PTCH1: variants seen among roughly 807,000 people sequenced by gnomAD.
The protein encoded by PTCH1 is patched 1.
Under a neutral mutation model 144.6 loss-of-function variants are expected in PTCH1, and 14 were observed. That is an observed-to-expected ratio of 0.10 (90% CI 0.06 to 0.15). The LOEUF is 0.15. Among genes scored for constraint, PTCH1 ranks in the 10% least tolerant of loss-of-function variants. PTCH1 has a pLI of 1.00. For synonymous variants in PTCH1, 833 were observed against 793.6 expected, an observed-to-expected ratio of 1.05 and a Z score of -0.83; for missense variants, 1,623 against 1,948.3, an observed-to-expected ratio of 0.83 and a Z score of 3.14.
At chr9:95,462,067 G>C (rs923490948) in intron 15 of PTCH1, 69 bp from the exon 16 acceptor site, 1 of 1,588,936 alleles carries the variant, frequency 6.3e-7, no homozygotes, top group Non-Finnish European at 8.6e-7. Context: ...TAGCGGGGTG[G>C]GCTGAGGAGA....
chr9:95,492,410 G>A (rs1714939900), intron 2 of PTCH1, among the ~76,000 whole-genome samples: 1 of 152,176 alleles, frequency 6.6e-6, no homozygotes, highest in African/African-American at 2.4e-5. Flanking sequence ...GGATGGGAAT[G>A]CCACACAACC....
intron 18 of PTCH1, among the ~76,000 whole-genome samples, chr9:95,457,679 C>G (rs1241168626): frequency 6.6e-6 from 1 of 152,108 alleles, no homozygotes; most frequent in Non-Finnish European, 1.5e-5. Context: ...GATGAGGTCA[C>G]AAAATGACAC....
intron 7 of PTCH1, 90 bp from the exon 8 acceptor site, chr9:95,479,237 A>C (rs2118370162): frequency 4.6e-6 from 7 of 1,511,276 alleles, no homozygotes; most frequent in Non-Finnish European, 4.6e-6. Context: ...CCCCCAACTC[A>C]CTGGCTGCAA....
chr9:95,491,814 T>A (rs1220004278), intron 2 of PTCH1, among the ~76,000 whole-genome samples: 1 of 152,156 alleles, frequency 6.6e-6, no homozygotes, highest in East Asian at 1.9e-4. Context: ...AGTGGAAAAT[T>A]CCACATCTGA....
upstream of PTCH1, among the ~76,000 whole-genome samples, chr9:95,512,968 T>G (rs1844224249): frequency 6.6e-6 from 1 of 152,228 alleles, no homozygotes; most frequent in Non-Finnish European, 1.5e-5. Flanking sequence ...CCAGTCATGA[T>G]CCAAGACTTC....
In PTCH1 at chr9:95,484,767, C is replaced by G. The variant is rs1841841514; in HGVS notation, c.584+918G>C. On this transcript the variant is annotated intron_variant, in intron 3 of 23. Transcript: ENST00000331920. ...TCTGTTCTCAATGCTGGGGTGAAAA[C>G]AGACAAGAGGTGGCCCCTGCCCTGT... is the stretch of plus-strand genomic sequence containing the variant. Among the ~76,000 whole-genome samples, 3 of 152,192 alleles carry G rather than the reference C, an allele frequency of 2.0e-5. No homozygotes were observed. The South Asian group carries it at 6.2e-4, about 32-fold the overall frequency.
chr9:95,476,926 T>C lies in PTCH1; in HGVS notation c.1504-69A>G, dbSNP rs1046182185. 8 of 1,452,746 alleles carry C rather than the reference T, an allele frequency of 5.5e-6. No homozygotes were observed. Among genetic ancestry groups the C allele is most frequent in the Non-Finnish European group, 5.7e-6 (6 of 1,047,482 alleles). 90.0% of individuals were successfully genotyped at this position (1,452,746 alleles called of 1,614,324 possible). ...CAATTCAGATGATTCTAAAGCTAGT[T>C]AGGACTCTGCCACCAGCACCTAACA... On this transcript the variant is annotated intron_variant, in intron 10 of 23. Transcript: ENST00000331920. The surrounding 1 kb of genome is among the most constrained non-coding windows in gnomAD (Gnocchi z 4.6).
chr9:95,464,426 G>A (rs139038503), intron 15 of PTCH1, among the ~76,000 whole-genome samples: 54 of 152,272 alleles, frequency 3.5e-4, no homozygotes, highest in African/African-American at 1.3e-3. Context: ...CTCCTCTTAT[G>A]AATATTTTGT....
chr9:95,485,588 G>A, intron 3 of PTCH1, 97 bp downstream of exon 3: 1 of 1,450,642 alleles, frequency 6.9e-7, no homozygotes, highest in Non-Finnish European at 9.6e-7. Flanking sequence ...GCATTTCCAG[G>A]GCAACTTCAT....
At chr9:95,471,748 T>C (rs1840604150) in intron 12 of PTCH1, among the ~76,000 whole-genome samples, 1 of 151,758 alleles carries the variant, frequency 6.6e-6, no homozygotes, top group Admixed American at 6.6e-5. Context: ...GTTTATAAGA[T>C]GAAAAAGAGG....
rs983374469 is a variant in PTCH1 at position 95,445,353 on chromosome 9, A to G, written c.*1040T>C. The G allele has an allele frequency of 2.6e-5, 4 of 152,170 alleles. No individual in the cohort carries two copies. The highest frequency in any genetic ancestry group is 2.0e-4 in the Admixed American group (3 of 15,272). 9.4% of individuals were successfully genotyped at this position (152,170 alleles called of 1,614,324 possible). On this transcript the variant is annotated 3_prime_UTR_variant, in exon 24 of 24. Coordinates refer to ENST00000331920, the MANE Select transcript of PTCH1 (RefSeq NM_000264.5). Reference sequence around the variant, plus strand: ...GGTCAGAAGAGGGGCACCATGCTGCATGCTTTTTAGAGTATACAGACTCTC... The same window carrying G: ...GGTCAGAAGAGGGGCACCATGCTGCGTGCTTTTTAGAGTATACAGACTCTC...
Position 95,456,401 on chromosome 9 carries a change from C to T in PTCH1, c.3181G>A (p.Ala1061Thr), listed in dbSNP as rs767617256. Residue 1061 changes from alanine (A) to threonine (T), a missense_variant, in exon 19 of 24, where the codon GCG becomes ACG. By Grantham distance (58) the Ala-to-Thr change is moderately conservative. This residue lies in a region of PTCH1 where 504 missense variants were observed against 679.3 expected (regional missense o/e 0.74). Transcript: ENST00000331920. ...WTAGIIVMVL[A>T]LMTVELFGMM... ...CCGAACAGCTCGACCGTCATCAGCG[C>T]CAGGACCATCACCTGGAGCAGGGCA... 3 of 1,613,910 alleles carry T rather than the reference C, an allele frequency of 1.9e-6. No homozygotes were observed. The highest frequency in any genetic ancestry group is 2.5e-6 in the Non-Finnish European group (3 of 1,180,014).
rs863224344 is a variant in PTCH1, at chr9:95,479,156, C to T, written c.1068-9G>A. On this transcript the variant is annotated splice_polypyrimidine_tract_variant and intron_variant, in intron 7 of 23. Transcript: ENST00000331920. The stretch of plus-strand genomic sequence containing the variant: ...TCTGCAGGGCATGGGCGCTGCAGCA[C>T]AGTCCAAGGGAAGGCACATCATCAG... 6.8e-6 allele frequency: 11 copies of T among 1,613,956 alleles called. No individual in the cohort carries two copies. Among genetic ancestry groups the T allele is most frequent in the African/African-American group, 1.3e-5 (1 of 74,874 alleles).
intron 1 of PTCH1, 127 bp from the exon 2 acceptor site, chr9:95,506,726 G>A (rs1843682697): frequency 9.1e-7 from 1 of 1,104,860 alleles, no homozygotes; most frequent in Non-Finnish European, 1.2e-6. Flanking sequence ...GCGGCACACG[G>A]ACTCGCCCTC....
rs1444916345 is a variant in PTCH1, at chr9:95,508,568, G to A, written c.-207C>T. The A allele has an allele frequency of 2.9e-5, 29 of 1,002,088 alleles. No individual in the cohort carries two copies. Among genetic ancestry groups the A allele is most frequent in the African/African-American group, 3.5e-5 (2 of 57,566 alleles). The allele number at this position is 1,002,088 out of a possible 1,614,324, so 62.1% of individuals were successfully genotyped here. Reference sequence around the variant, plus strand: ...CGGGCGCTGCTGCCGCTGCGGCCGCGGCCGCTGCCGGGGAGTCAGACCCTG... The same window carrying A: ...CGGGCGCTGCTGCCGCTGCGGCCGCAGCCGCTGCCGGGGAGTCAGACCCTG... On this transcript the variant is annotated 5_prime_UTR_variant, in exon 1 of 24. Transcript: ENST00000331920.
chr9:95,453,651 T>A (rs1168840574), intron 19 of PTCH1, 31 bp from the exon 20 acceptor site: 1 of 1,611,926 alleles, frequency 6.2e-7, no homozygotes, highest in Non-Finnish European at 8.5e-7. Flanking sequence ...CAAGATCAGG[T>A]TGCTGGACTT....
At chr9:95,478,937 A>T (rs1348365658) in intron 8 of PTCH1, 63 bp downstream of exon 8, 2 of 1,609,012 alleles carry the variant, frequency 1.2e-6, no homozygotes, top group Non-Finnish European at 1.7e-6. Context: ...TGTTTTAAAT[A>T]ATGGTGAAAA....
Position 95,445,338 on chromosome 9 carries a change from G to A in PTCH1, c.*1055C>T, listed in dbSNP as rs1588505732. ...GGTCGTGTGTGTGTTGGTCAGAAGA[G>A]GGGCACCATGCTGCATGCTTTTTAG... On this transcript the variant is annotated 3_prime_UTR_variant, in exon 24 of 24. Transcript: ENST00000331920. 6.6e-6 allele frequency: 1 copy of A among 152,146 alleles called. No individual in the cohort carries two copies. Among genetic ancestry groups the A allele is most frequent in the Non-Finnish European group, 1.5e-5 (1 of 68,054 alleles). The allele number at this position is 152,146 out of a possible 1,614,324, so 9.4% of individuals were successfully genotyped here.
intron 2 of PTCH1, among the ~76,000 whole-genome samples, chr9:95,492,471 T>C (rs1038790293): frequency 1.3e-5 from 2 of 152,208 alleles, no homozygotes; most frequent in Admixed American, 6.5e-5. Flanking sequence ...TTTCAGACAG[T>C]TCAATATACA....
Sources: gnomAD v4.1 joint callset for allele counts (sites outside exome capture counted in the v4.1 genomes callset) on GRCh38, gnomAD v4.1.1 for gene constraint, gnomAD v4.1.1 regional missense constraint, Gnocchi (gnomAD v3.1) non-coding constraint, MANE v1.5 for transcripts, NCBI Gene and HGNC (gene_info 2026-07-23, HGNC 2026-07-21) for gene names.